Variants in RUBCN observed in about 807,000 individuals in gnomAD.
RUBCN encodes rubicon autophagy regulator.
Under a neutral mutation model 113.2 loss-of-function variants are expected in RUBCN, and 74 were observed. The observed-to-expected ratio is 0.65, with a 90% CI of 0.54 to 0.79. RUBCN has a LOEUF of 0.79. Ranked by LOEUF, RUBCN falls within the 30% of genes least tolerant of loss-of-function variation. RUBCN has a pLI of 0.00. For missense variants in RUBCN, 1,109 were observed against 1,251.7 expected (o/e 0.89, Z 1.72); for synonymous variants, 480 against 490.0 (o/e 0.98, Z 0.27).
chr3:197,699,107 A>G, intron 7 of RUBCN: 3 of 995,058 alleles, frequency 3.0e-6, no homozygotes, highest in Non-Finnish European at 4.7e-6. Flanking sequence ...TTGATTTGAC[A>G]CCAGACTGAA....
In RUBCN at chr3:197,673,621, T is replaced by C. The variant is rs1560390600; in HGVS notation, c.*1397A>G. 1 of 151,186 alleles carries C rather than the reference T, an allele frequency of 6.6e-6. No individual in the cohort carries two copies. Among genetic ancestry groups the C allele is most frequent in the African/African-American group, 2.4e-5 (1 of 40,920 alleles). The allele number at this position is 151,186 out of a possible 1,614,324, so 9.4% of individuals were successfully genotyped here. A position where few individuals can be genotyped will look rare whatever the true frequency, so the allele number is the denominator to read the frequency against. On this transcript the variant is annotated 3_prime_UTR_variant, in exon 20 of 20. Transcript: ENST00000296343. ...TTAAGGAACATCACAAACACACACA[T>C]GGCCCCACCCAAGGACTTCACTGTC...
At chr3:197,719,807 T>A (rs1031185040) in intron 1 of RUBCN, among the ~76,000 whole-genome samples, 5 of 152,212 alleles carry the variant, frequency 3.3e-5, no homozygotes, top group South Asian at 4.1e-4. Flanking sequence ...GTCACCTTTT[T>A]AAAAAATTTT....
intron 11 of RUBCN, 69 bp from the exon 12 acceptor site, chr3:197,684,286 A>G (rs1236371022): frequency 8.4e-7 from 1 of 1,183,720 alleles, no homozygotes; most frequent in Non-Finnish European, 1.3e-6. Flanking sequence ...GGAATCTATT[A>G]CAAGGTGCTC....
chr3:197,716,222 G>A (rs1405775055), intron 2 of RUBCN, among the ~76,000 whole-genome samples: 2 of 152,244 alleles, frequency 1.3e-5, no homozygotes, highest in African/African-American at 2.4e-5. Context: ...CCGCCTCCCA[G>A]GTTCAAGTGA....
At chr3:197,714,224 A>G (rs1725270574) in intron 2 of RUBCN, among the ~76,000 whole-genome samples, 1 of 152,182 alleles carries the variant, frequency 6.6e-6, no homozygotes, top group Non-Finnish European at 1.5e-5. Context: ...CATGGATGTG[A>G]GCAATGAGTC....
chr3:197,688,307 G>A (rs1722064707), intron 11 of RUBCN, among the ~76,000 whole-genome samples: 1 of 150,582 alleles, frequency 6.6e-6, no homozygotes, highest in African/African-American at 2.4e-5. Context: ...GATGACAGGT[G>A]TGAGCCACCG....
At chr3:197,724,738 T>C (rs2108979444) in intron 1 of RUBCN, among the ~76,000 whole-genome samples, 1 of 152,278 alleles carries the variant, frequency 6.6e-6, no homozygotes, top group East Asian at 1.9e-4. Context: ...TATTAAAGTA[T>C]AAAAAGCAGA....
Position 197,684,200 on chromosome 3 carries a change from T to C in RUBCN, c.1804A>G (p.Asn602Asp). Residue 602 changes from asparagine (N) to aspartate (D), a missense_variant, in exon 12 of 20, where the codon AAC becomes GAC. By Grantham distance (23) the Asn-to-Asp change is conservative. This residue lies in a region of RUBCN where 736 missense variants were observed against 779.6 expected (regional missense o/e 0.94). Coordinates refer to ENST00000296343, the MANE Select transcript of RUBCN (RefSeq NM_014687.4). ...AAGGATTTGCTGCTTGAGGCTGTGT[T>C]CCTTCTGATGTCAGCATCTACATGG... ...FEIQDADIRR[N>D]TASSSKSFVS... The C allele has an allele frequency of 6.2e-7, 1 of 1,613,832 alleles. No individual in the cohort carries two copies. The highest frequency in any genetic ancestry group is 8.5e-7 in the Non-Finnish European group (1 of 1,179,736).
intron 7 of RUBCN, chr3:197,699,125 C>T (rs1378911391): frequency 1.6e-6 from 2 of 1,215,520 alleles, no homozygotes; most frequent in African/African-American, 3.0e-5. Flanking sequence ...GAAGGAGGTT[C>T]TGAACTAAGA....
rs112632845 is a variant in RUBCN, at chr3:197,705,129, C to T, written c.266G>A (p.Arg89Gln). 9.9e-3 allele frequency: 16,054 copies of T among 1,613,998 alleles called. 273 individuals are homozygous for T. Among genetic ancestry groups the T allele is most frequent in the East Asian group, 0.056 (2,528 of 44,880 alleles). Residue 89 changes from arginine (R) to glutamine (Q), a missense_variant, in exon 3 of 20, where the codon CGG becomes CAG. Around this residue, in one of 3 missense-constraint regions of RUBCN, gnomAD observed 736 missense variants for 779.6 expected, o/e 0.94. Transcript: ENST00000296343. ...AAGGGCTGAGTGGGGACTGAGCCAC[C>T]GGATGTCTTTCACGAACTGCCAGTA... is the stretch of plus-strand genomic sequence containing the variant. ...TDYWQFVKDIRWLSPHSALHV... is the reference protein window; with the variant it reads ...TDYWQFVKDIQWLSPHSALHV...
At chr3:197,735,903 A>C (rs545508120) in intron 1 of RUBCN, among the ~76,000 whole-genome samples, 1 of 152,276 alleles carries the variant, frequency 6.6e-6, no homozygotes, top group African/African-American at 2.4e-5. Context: ...AGTAGTTTTT[A>C]TATTTTAAAT....
chr3:197,722,657 A>G (rs1338579284), intron 1 of RUBCN, among the ~76,000 whole-genome samples: 1 of 151,454 alleles, frequency 6.6e-6, no homozygotes, highest in East Asian at 2.0e-4. Flanking sequence ...ATATAAACAC[A>G]CACACACACA....
At chr3:197,714,683 A>G (rs6788572) in intron 2 of RUBCN, among the ~76,000 whole-genome samples, 17,217 of 152,230 alleles carry the variant, frequency 0.11, 1,204 homozygotes, top group African/African-American at 0.18. Flanking sequence ...CAATGTGATT[A>G]CTGGCTGAGA....
intron 1 of RUBCN, among the ~76,000 whole-genome samples, chr3:197,747,438 C>T (rs1330945199): frequency 6.6e-6 from 1 of 150,874 alleles, no homozygotes; most frequent in Non-Finnish European, 1.5e-5. Flanking sequence ...CCAGGCTGGT[C>T]TCGTACTCCT....
At chr3:197,700,254 G>A (rs923636340) in intron 7 of RUBCN, among the ~76,000 whole-genome samples, 3 of 152,154 alleles carry the variant, frequency 2.0e-5, no homozygotes, top group African/African-American at 4.8e-5. Flanking sequence ...CTTCTAAGAC[G>A]TCACAGGAAA....
chr3:197,737,500 C>CGT (rs1728278064), upstream of RUBCN, among the ~76,000 whole-genome samples: 1 of 151,684 alleles, frequency 6.6e-6, no homozygotes, highest in Admixed American at 6.6e-5. Context: ...GAGAGCAACA[C>CGT]GGCAGATACA....
intron 2 of RUBCN, among the ~76,000 whole-genome samples, chr3:197,709,515 G>T (rs981391165): frequency 6.6e-6 from 1 of 152,102 alleles, no homozygotes; most frequent in Non-Finnish European, 1.5e-5. Context: ...TGAGTAGCTG[G>T]GATTACAGGC....
intron 12 of RUBCN, 102 bp downstream of exon 12, chr3:197,684,055 A>C: frequency 1.1e-6 from 1 of 920,124 alleles, no homozygotes; most frequent in Non-Finnish European, 1.8e-6. Context: ...GCCTCCTCTT[A>C]CATCTGGATG....
At position 197,672,436 on chromosome 3, in the gene RUBCN, T is replaced by C. The variant is rs1264115960; in HGVS notation, c.*2582A>G. 6.6e-6 allele frequency: 1 copy of C among 152,212 alleles called. No individual in the cohort carries two copies. Among genetic ancestry groups the C allele is most frequent in the Non-Finnish European group, 1.5e-5 (1 of 68,042 alleles). 9.4% of individuals were successfully genotyped at this position (152,212 alleles called of 1,614,324 possible). On this transcript the variant is annotated 3_prime_UTR_variant, in exon 20 of 20. Coordinates refer to ENST00000296343, the MANE Select transcript of RUBCN (RefSeq NM_014687.4). ...CTCTACCCACTTCCCCCCTCTTGAA[T>C]AAATAACTGGGTATTTGGAAGGTGA... is the stretch of plus-strand genomic sequence containing the variant.
Sources: allele counts gnomAD v4.1 joint callset (sites outside exome capture counted in the v4.1 genomes callset), GRCh38; gene constraint gnomAD v4.1.1; regional missense constraint gnomAD v4.1.1; transcripts MANE v1.5; gene names NCBI Gene and HGNC (gene_info 2026-07-23, HGNC 2026-07-21).